SCLY: variants seen among roughly 807,000 people sequenced by gnomAD.
SCLY encodes the protein selenocysteine lyase.
Under a neutral mutation model 50.1 loss-of-function variants are expected in SCLY, and 38 were observed. The observed-to-expected ratio is 0.76, with a 90% CI of 0.59 to 0.99. SCLY has a LOEUF of 0.99. SCLY is among the 50% of genes least tolerant of loss of function. The pLI is 0.00. For missense variants in SCLY, 600 were observed against 620.0 expected (o/e 0.97, Z 0.34); for synonymous variants, 243 against 249.4 (o/e 0.97, Z 0.24).
chr2:238,067,766 A>G lies in SCLY; in HGVS notation c.203-299A>G, dbSNP rs1011154401. The stretch of plus-strand genomic sequence containing the variant: ...AGCTGCCCTCCCTCTAGCATCCAGT[A>G]AGAAGAAAGCCACATCTTGGGGGAC... On this transcript the variant is annotated intron_variant, in intron 2 of 11. Coordinates refer to ENST00000254663, the MANE Select transcript of SCLY (RefSeq NM_016510.7). This position sits in a 1 kb window ranked among gnomAD's most constrained non-coding sequence, Gnocchi z 4.3. 6.6e-6 allele frequency among the ~76,000 whole-genome samples: 1 copy of G among 152,216 alleles called. No homozygotes were observed. Among genetic ancestry groups the G allele is most frequent in the East Asian group, 1.9e-4 (1 of 5,202 alleles).
rs944768430 is a variant in SCLY at position 238,067,941 on chromosome 2, G to C, written c.203-124G>C. Reference sequence around the variant, plus strand: ...CATTTTGCTGTGCTCACATTAAGGGGCCAGGTTTTGTCTTAGAACGGCCCA... The same window carrying C: ...CATTTTGCTGTGCTCACATTAAGGGCCCAGGTTTTGTCTTAGAACGGCCCA... On this transcript the variant is annotated intron_variant, in intron 2 of 11. Transcript: ENST00000254663. The surrounding 1 kb of genome is among the most constrained non-coding windows in gnomAD (Gnocchi z 4.3). The C allele has an allele frequency of 4.6e-6, 3 of 646,008 alleles. No individual in the cohort carries two copies. In the East Asian group the frequency reaches 8.7e-5, roughly 19 times the overall value. 40.0% of individuals were successfully genotyped at this position (646,008 alleles called of 1,614,324 possible).
chr2:238,092,164 C>T (rs150181816), intron 8 of SCLY: 283 of 152,422 alleles, frequency 1.9e-3, no homozygotes, highest in African/African-American at 6.6e-3. Flanking sequence ...TGGCTCACTG[C>T]AGCCTCCATC....
intron 8 of SCLY, chr2:238,093,535 G>A (rs1368765261): frequency 5.8e-6 from 2 of 345,920 alleles, no homozygotes; most frequent in African/African-American, 2.1e-5. Context: ...CCTTCACAGC[G>A]CCAACTGGTG....
intron 5 of SCLY, 55 bp from the exon 6 acceptor site, chr2:238,081,990 A>T: frequency 6.3e-7 from 1 of 1,588,202 alleles, no homozygotes; most frequent in South Asian, 1.1e-5. Context: ...GATTTCTGTC[A>T]TTCAGTTTTC....
chr2:238,098,040 G>C, intron 11 of SCLY, 162 bp from the exon 12 acceptor site: 1 of 751,836 alleles, frequency 1.3e-6, no homozygotes. Flanking sequence ...TGATCTTAGG[G>C]GTGTGCTTGG....
chr2:238,094,199 C>T (rs1316769617), intron 9 of SCLY: 3 of 611,788 alleles, frequency 4.9e-6, no homozygotes, highest in East Asian at 2.7e-5. Flanking sequence ...AGGTGGTATA[C>T]CTCATGGTTT....
chr2:238,064,215 T>G (rs1175616399), intron 1 of SCLY, 142 bp from the exon 2 acceptor site: 1 of 416,762 alleles, frequency 2.4e-6, no homozygotes, highest in African/African-American at 2.1e-5. Context: ...GTGCAGCTTG[T>G]GGATGCCTGC....
At position 238,086,548 on chromosome 2, in the gene SCLY, T is replaced by G. The variant is rs139141378; in HGVS notation, c.884+3194T>G. Reference sequence around the variant, plus strand: ...ATAGCAAGATCTCATCTCTAAAAAATTTTTTTTAATTAGCCGACATGGCAG... The same window carrying G: ...ATAGCAAGATCTCATCTCTAAAAAAGTTTTTTTAATTAGCCGACATGGCAG... On this transcript the variant is annotated intron_variant, in intron 7 of 11. Coordinates refer to ENST00000254663, the MANE Select transcript of SCLY (RefSeq NM_016510.7). Among the ~76,000 whole-genome samples the G allele has an allele frequency of 7.5e-3, 1,122 of 150,470 alleles. 29 individuals carry two copies. The highest frequency in any genetic ancestry group is 0.038 in the East Asian group (193 of 5,056).
intron 3 of SCLY, among the ~76,000 whole-genome samples, chr2:238,068,835 A>C (rs1321984782): frequency 1.3e-5 from 2 of 152,176 alleles, no homozygotes; most frequent in African/African-American, 4.8e-5. Context: ...ATTTTGTTTC[A>C]CTGTGAATGT....
intron 1 of SCLY, among the ~76,000 whole-genome samples, chr2:238,063,875 C>G (rs1204647977): frequency 6.6e-6 from 1 of 152,200 alleles, no homozygotes; most frequent in Admixed American, 6.5e-5. Context: ...CTGGGCCCAA[C>G]AGACCATTAA....
At chr2:238,096,590 G>A (rs1356064090) in intron 10 of SCLY, among the ~76,000 whole-genome samples, 1 of 152,266 alleles carries the variant, frequency 6.6e-6, no homozygotes, top group African/African-American at 2.4e-5. Flanking sequence ...GCAGAATAGT[G>A]TCTGCGTTTG....
intron 7 of SCLY, among the ~76,000 whole-genome samples, chr2:238,087,665 G>A (rs546376310): frequency 6.6e-6 from 1 of 151,446 alleles, no homozygotes; most frequent in East Asian, 2.0e-4. Flanking sequence ...TATGAAGCTA[G>A]TATTATCCTG....
intron 4 of SCLY, among the ~76,000 whole-genome samples, chr2:238,076,656 G>A (rs1370738053): frequency 1.4e-5 from 2 of 147,332 alleles, no homozygotes; most frequent in Admixed American, 6.8e-5. Flanking sequence ...CTCCACTATT[G>A]TCCCATGACC....
At chr2:238,062,879 C>G (rs989610167) in intron 1 of SCLY, among the ~76,000 whole-genome samples, 2 of 152,244 alleles carry the variant, frequency 1.3e-5, no homozygotes, top group Admixed American at 1.3e-4. Context: ...GGCAGGACTA[C>G]TACTACACAT....
intron 7 of SCLY, 103 bp from the exon 8 acceptor site, chr2:238,091,115 T>C (rs2065357167): frequency 1.1e-5 from 12 of 1,081,298 alleles, no homozygotes; most frequent in Non-Finnish European, 1.7e-5. Flanking sequence ...TTAGGAAAGA[T>C]GTAGCGTGAG....
At chr2:238,097,418 G>T (rs994598465) in intron 11 of SCLY, among the ~76,000 whole-genome samples, 2 of 152,158 alleles carry the variant, frequency 1.3e-5, no homozygotes, top group Non-Finnish European at 2.9e-5. Flanking sequence ...GTGGTTCTGG[G>T]TCTGGTCTGC....
chr2:238,091,037 A>G (rs573146922), intron 7 of SCLY, among the ~76,000 whole-genome samples, 181 bp from the exon 8 acceptor site: 2 of 152,354 alleles, frequency 1.3e-5, no homozygotes, highest in African/African-American at 4.8e-5. Flanking sequence ...GGCCAGGGCA[A>G]GTGAAAACTT....
At chr2:238,078,254 A>G (rs1418122087) in intron 4 of SCLY, among the ~76,000 whole-genome samples, 2 of 152,094 alleles carry the variant, frequency 1.3e-5, no homozygotes, top group African/African-American at 2.4e-5. Flanking sequence ...GCACCCGGCC[A>G]GTTCTTTTTA....
intron 2 of SCLY, chr2:238,064,723 A>G (rs2106435202): frequency 3.7e-6 from 1 of 272,982 alleles, no homozygotes; most frequent in South Asian, 5.0e-5. Flanking sequence ...CCCAGATGAG[A>G]AAGGTGTCTA....
Sources: gnomAD v4.1 joint callset for allele counts (sites outside exome capture counted in the v4.1 genomes callset) on GRCh38, gnomAD v4.1.1 for gene constraint, Gnocchi (gnomAD v3.1) non-coding constraint, MANE v1.5 for transcripts, NCBI Gene and HGNC (gene_info 2026-07-23, HGNC 2026-07-21) for gene names.